The following RAVER2 variants were observed in gnomAD, a reference collection of about 807,000 sequenced individuals.
RAVER2 encodes ribonucleoprotein, PTB binding 2.
A neutral mutation model predicts 78.1 loss-of-function variants in RAVER2; 46 were observed. The observed-to-expected ratio is 0.59, with a 90% CI of 0.46 to 0.75. The LOEUF (loss-of-function observed/expected upper bound fraction) is 0.75. RAVER2 is among the 30% of genes least tolerant of loss of function. The pLI, the probability that RAVER2 is intolerant of heterozygous loss-of-function variation, is 0.00. For synonymous variants in RAVER2, 311 were observed against 313.3 expected (o/e 0.99, Z 0.08); for missense variants, 793 against 837.5 (o/e 0.95, Z 0.66).
intron 6 of RAVER2, among the ~76,000 whole-genome samples, chr1:64,803,477 A>G (rs888367734): frequency 6.6e-6 from 1 of 152,116 alleles, no homozygotes; most frequent in Non-Finnish European, 1.5e-5. Context: ...AGAATAGAGT[A>G]TGTTTCCTAC....
intron 1 of RAVER2, among the ~76,000 whole-genome samples, chr1:64,748,877 A>T (rs1651616632): frequency 6.6e-6 from 1 of 152,082 alleles, no homozygotes; most frequent in Non-Finnish European, 1.5e-5. Context: ...TTGCTCTGTC[A>T]CCTGGACTGG....
intron 4 of RAVER2, among the ~76,000 whole-genome samples, chr1:64,787,400 G>A (rs1652811107): frequency 6.6e-6 from 1 of 152,144 alleles, no homozygotes; most frequent in South Asian, 2.1e-4. Flanking sequence ...GGAAGGGCAG[G>A]CAAGGACCTC....
intron 1 of RAVER2, among the ~76,000 whole-genome samples, chr1:64,763,173 T>C (rs1037543692): frequency 2.0e-5 from 3 of 152,014 alleles, no homozygotes; most frequent in African/African-American, 7.2e-5. Context: ...GGCTGGCGCC[T>C]GTAGTCCCAG....
At chr1:64,812,255 A>C (rs1370217386) in intron 9 of RAVER2, among the ~76,000 whole-genome samples, 1 of 150,780 alleles carries the variant, frequency 6.6e-6, no homozygotes, top group Non-Finnish European at 1.5e-5. Context: ...CCAGCTACTC[A>C]GGAGGCGGAA....
chr1:64,814,923 T>C (rs1653718938), intron 11 of RAVER2, 83 bp downstream of exon 11: 2 of 1,225,034 alleles, frequency 1.6e-6, no homozygotes, highest in South Asian at 5.0e-5. Context: ...AATTGTGATT[T>C]CTATATTATT....
rs1653655978 is a variant in RAVER2 at position 64,812,863 on chromosome 1, C to T, written c.1792+14C>T. On this transcript the variant is annotated intron_variant, in intron 10 of 11. Coordinates refer to ENST00000294428, the Ensembl canonical transcript of RAVER2. ...TGTGCTTATCATGTAAGTAGGGGCT[C>T]AGTATTCTTGTTGTGGAGTTTTACT... The T allele has an allele frequency of 1.3e-6, 2 of 1,532,994 alleles. No homozygotes were observed. The highest frequency in any genetic ancestry group is 8.9e-7 in the Non-Finnish European group (1 of 1,125,946). 95.0% of individuals were successfully genotyped at this position (1,532,994 alleles called of 1,614,324 possible). A position where few individuals can be genotyped will look rare whatever the true frequency, so the allele number is the denominator to read the frequency against.
chr1:64,823,151 T>C (rs1299572928), intron 11 of RAVER2, among the ~76,000 whole-genome samples: 2 of 152,198 alleles, frequency 1.3e-5, no homozygotes, highest in African/African-American at 4.8e-5. Context: ...ATCAACAAAT[T>C]TTGGACTCTT....
chr1:64,770,326 G>A (rs544449331), intron 2 of RAVER2, among the ~76,000 whole-genome samples: 2 of 152,054 alleles, frequency 1.3e-5, no homozygotes, highest in East Asian at 1.9e-4. Context: ...TAATTCATGG[G>A]GCATTAGAAG....
chr1:64,778,517 A>G (rs1652535927), intron 3 of RAVER2, among the ~76,000 whole-genome samples: 1 of 152,148 alleles, frequency 6.6e-6, no homozygotes, highest in African/African-American at 2.4e-5. Flanking sequence ...ATAATTGCAA[A>G]TCCTATATGA....
In RAVER2 at chr1:64,745,405, A is replaced by G; in HGVS notation, c.233A>G (p.Gln78Arg). 1 of 1,534,078 alleles carries G rather than the reference A, an allele frequency of 6.5e-7. No homozygotes were observed. The highest frequency in any genetic ancestry group is 1.2e-5 in the South Asian group (1 of 83,826). ...AAAATCCTGGTGAAAAACCTGCCCC[A>G]GGACAGCAACTGCCAGGTACTGGGA... Residue 78 changes from glutamine (Q) to arginine (R), a missense_variant, in exon 1 of 12, where the codon CAG becomes CGG. Transcript: ENST00000294428. The surrounding 1 kb of genome is among the most constrained non-coding windows in gnomAD (Gnocchi z 4.3).
exon 12 of RAVER2, chr1:64,830,914 G>C: frequency 6.2e-7 from 1 of 1,613,812 alleles, no homozygotes; most frequent in Non-Finnish European, 8.5e-7. Flanking sequence ...AGTGGAATGT[G>C]TTGACCAGCA....
At chr1:64,763,843 C>T (rs935630199) in intron 1 of RAVER2, among the ~76,000 whole-genome samples, 3 of 151,240 alleles carry the variant, frequency 2.0e-5, no homozygotes, top group Non-Finnish European at 4.4e-5. Context: ...GTGGAGGTTG[C>T]GGTGAGCCGA....
At chr1:64,831,885 C>T (rs1003249280) in exon 12 of RAVER2, 1 of 152,198 alleles carries the variant, frequency 6.6e-6, no homozygotes, top group South Asian at 2.1e-4. Context: ...GGCACTCTTA[C>T]GCTACAAGGG....
chr1:64,752,903 G>A (rs1281961409), intron 1 of RAVER2, among the ~76,000 whole-genome samples: 2 of 152,162 alleles, frequency 1.3e-5, no homozygotes, highest in Non-Finnish European at 2.9e-5. Flanking sequence ...CATTAAGGGA[G>A]CAGACATGCA....
At chr1:64,820,737 A>C (rs184772522) in intron 11 of RAVER2, among the ~76,000 whole-genome samples, 79 of 152,276 alleles carry the variant, frequency 5.2e-4, no homozygotes, top group African/African-American at 1.9e-3. Context: ...CACAAAAGAC[A>C]TGAGCTCGTT....
chr1:64,761,321 C>A (rs556102772), intron 1 of RAVER2, among the ~76,000 whole-genome samples: 1 of 152,136 alleles, frequency 6.6e-6, no homozygotes, highest in Non-Finnish European at 1.5e-5. Flanking sequence ...GATAGGACTG[C>A]GTTGGGCCCC....
intron 1 of RAVER2, among the ~76,000 whole-genome samples, chr1:64,752,542 T>G (rs1651728946): frequency 6.6e-6 from 1 of 152,156 alleles, no homozygotes; most frequent in Admixed American, 6.5e-5. Flanking sequence ...GCCTACTCAG[T>G]TGCCTTTCTT....
chr1:64,753,164 C>G (rs1242063620), intron 1 of RAVER2, among the ~76,000 whole-genome samples: 1 of 152,214 alleles, frequency 6.6e-6, no homozygotes, highest in Non-Finnish European at 1.5e-5. Flanking sequence ...AGCAATCCTT[C>G]TACCTCAGTC....
intron 11 of RAVER2, among the ~76,000 whole-genome samples, chr1:64,820,539 CT>C (rs1653859585): frequency 6.6e-6 from 1 of 152,074 alleles, no homozygotes; most frequent in Non-Finnish European, 1.5e-5. Flanking sequence ...CAATAGTTAT[CT>C]TTTCTGCTGC....
Sources: gnomAD v4.1 joint callset for allele counts (sites outside exome capture counted in the v4.1 genomes callset) on GRCh38, gnomAD v4.1.1 for gene constraint, Gnocchi (gnomAD v3.1) non-coding constraint, MANE v1.5 for transcripts, NCBI Gene and HGNC (gene_info 2026-07-23, HGNC 2026-07-21) for gene names.